Variants in RECQL observed in about 807,000 individuals in gnomAD.
The protein encoded by RECQL is ATP-dependent DNA helicase Q1.
In RECQL, 73 loss-of-function variants were observed where a neutral mutation model predicts 75.8. The observed-to-expected ratio is 0.96, with a 90% CI of 0.80 to 1.17. RECQL has a LOEUF of 1.17. RECQL is among the 50% of genes most tolerant of loss of function. RECQL has a pLI of 0.00. For missense variants in RECQL, 699 were observed against 772.1 expected (o/e 0.91, Z 1.12); for synonymous variants, 248 against 254.4 (o/e 0.97, Z 0.24).
chr12:21,471,605 A>AT lies in RECQL; in HGVS notation c.1489dup (p.Ile497AsnfsTer12), dbSNP rs768421666. 31 of 1,612,826 alleles carry AT rather than the reference A, an allele frequency of 1.9e-5. No individual in the cohort carries two copies. In the African/African-American group the frequency reaches 3.9e-4, roughly 20 times the overall value. ...TTCCTCTGCCTGCTTCAGGATCTTGATTAGATCTCTGCAGTACTCTGTTAT... is the reference window on the plus strand; with the variant it reads ...TTCCTCTGCCTGCTTCAGGATCTTGATTTAGATCTCTGCAGTACTCTGTTAT... On this transcript the variant is annotated frameshift_variant, in exon 13 of 15. Transcript: ENST00000444129. LOFTEE classifies it high-confidence loss of function.
At chr12:21,478,005 T>G in intron 6 of RECQL, 36 bp from the exon 7 acceptor site, 1 of 1,563,280 alleles carries the variant, frequency 6.4e-7, no homozygotes, top group Non-Finnish European at 8.7e-7. Context: ...TTTTCTATCC[T>G]TTAAGAGTTA....
At chr12:21,475,092 T>G in intron 10 of RECQL, 113 bp from the exon 11 acceptor site, 1 of 1,058,788 alleles carries the variant, frequency 9.4e-7, no homozygotes, top group Non-Finnish European at 1.3e-6. Context: ...CTAGAAATTT[T>G]AGAGATGTGG....
intron 2 of RECQL, among the ~76,000 whole-genome samples, 196 bp downstream of exon 2, chr12:21,499,359 T>C (rs1251653603): frequency 6.6e-6 from 1 of 152,230 alleles, no homozygotes; most frequent in African/African-American, 2.4e-5. Flanking sequence ...CACAACAGTC[T>C]AAATGCATTT....
chr12:21,491,463 T>C (rs959709441), intron 3 of RECQL, 56 bp downstream of exon 3: 52 of 1,497,522 alleles, frequency 3.5e-5, no homozygotes, highest in Non-Finnish European at 4.4e-5. Flanking sequence ...TTCATTCTAG[T>C]TTTTTAAAAT....
intron 11 of RECQL, 112 bp downstream of exon 11, chr12:21,474,729 G>T: frequency 1.0e-6 from 1 of 990,270 alleles, no homozygotes; most frequent in East Asian, 2.4e-5. Flanking sequence ...CTGCTTTTAT[G>T]GATCTGCACT....
At chr12:21,478,100 G>A (rs1943121220) in intron 6 of RECQL, 131 bp from the exon 7 acceptor site, 2 of 823,760 alleles carry the variant, frequency 2.4e-6, no homozygotes, top group South Asian at 2.2e-5. Flanking sequence ...CAGTAAATTT[G>A]CAGTTCTGTG....
At position 21,473,969 on chromosome 12, in the gene RECQL, T is replaced by C. The variant is rs138275835; in HGVS notation, c.1356-327A>G. Among the ~76,000 whole-genome samples, 501 of 152,206 alleles carry C rather than the reference T, an allele frequency of 3.3e-3. 3 individuals carry two copies. The highest frequency in any genetic ancestry group is 0.011 in the African/African-American group (468 of 41,552). Reference sequence around the variant, plus strand: ...TTTCCTTTTGCCATGTGAGGTAACATACAGGTTAGGAATTAGGACGTGAAC... The same window carrying C: ...TTTCCTTTTGCCATGTGAGGTAACACACAGGTTAGGAATTAGGACGTGAAC... On this transcript the variant is annotated intron_variant, in intron 11 of 14. Transcript: ENST00000444129.
intron 6 of RECQL, among the ~76,000 whole-genome samples, chr12:21,482,862 G>C (rs75943486): frequency 0.033 from 5,095 of 152,268 alleles, 128 homozygotes; most frequent in Middle Eastern, 0.058. Context: ...GTAGGATTAG[G>C]TGGTGGGGTG....
At chr12:21,482,646 G>C (rs769005341) in intron 6 of RECQL, among the ~76,000 whole-genome samples, 11 of 152,184 alleles carry the variant, frequency 7.2e-5, no homozygotes, top group Admixed American at 2.0e-4. Flanking sequence ...AGGGGCAACA[G>C]CACAGTGTCT....
intron 6 of RECQL, among the ~76,000 whole-genome samples, chr12:21,478,628 A>G (rs945228708): frequency 4.6e-5 from 7 of 152,338 alleles, no homozygotes; most frequent in Admixed American, 4.6e-4. Flanking sequence ...GTATGTTCAG[A>G]TAACAGCAAG....
chr12:21,486,795 CGAGTA>C (rs1433914762), intron 4 of RECQL, among the ~76,000 whole-genome samples: 11 of 151,100 alleles, frequency 7.3e-5, no homozygotes, highest in Non-Finnish European at 1.3e-4. Context: ...CTCAGCCTCC[CGAGTA>C]GCTGGGACTA....
At chr12:21,473,511 C>T (rs892257635) in intron 12 of RECQL, 40 bp downstream of exon 12, 2 of 1,444,922 alleles carry the variant, frequency 1.4e-6, no homozygotes, top group East Asian at 2.3e-5. Flanking sequence ...GGCATTATGA[C>T]TGTATTAGCC....
chr12:21,482,736 T>A (rs117955345), intron 6 of RECQL, among the ~76,000 whole-genome samples: 4,058 of 152,202 alleles, frequency 0.027, 78 homozygotes, highest in Non-Finnish European at 0.042. Context: ...ATCCAGCAAA[T>A]CCTAATGTGT....
In RECQL at chr12:21,468,954, C is replaced by G. The variant is rs1041774584; in HGVS notation, c.*1240G>C. 6 of 505,680 alleles carry G rather than the reference C, an allele frequency of 1.2e-5. No homozygotes were observed. Among genetic ancestry groups the G allele is most frequent in the African/African-American group, 1.2e-4 (6 of 51,302 alleles). The allele number at this position is 505,680 out of a possible 1,614,324, so 31.3% of individuals were successfully genotyped here. On this transcript the variant is annotated 3_prime_UTR_variant, in exon 15 of 15. Transcript: ENST00000444129. ...AAGTTTATTTATAGATATATCTTTC[C>G]AATACAACACTGACCGCTTAGATAA...
intron 4 of RECQL, 78 bp from the exon 5 acceptor site, chr12:21,486,663 T>A: frequency 1.2e-6 from 1 of 832,094 alleles, no homozygotes; most frequent in South Asian, 1.9e-5. Context: ...TCACGTTTTT[T>A]TTTTTTTTTT....
rs1591976393 is a variant in RECQL at position 21,477,907 on chromosome 12, C to T, written c.763G>A (p.Ala255Thr). The change falls in exon 7 of 15, where the codon GCA becomes ACA. Residue 255 changes from alanine to threonine, a missense_variant. By Grantham distance (58) the Ala-to-Thr change is moderately conservative. Coordinates refer to ENST00000444129, the MANE Select transcript of RECQL (RefSeq NM_002907.4). ...FPNASLIGLT[A>T]TATNHVLTDA... ...GTCAAAACGTGATTTGTTGCAGTTG[C>T]AGTCAGCCCAATTAGTGATGCGTTA... 6.2e-7 allele frequency: 1 copy of T among 1,613,712 alleles called. No individual in the cohort carries two copies. Among genetic ancestry groups the T allele is most frequent in the African/African-American group, 1.3e-5 (1 of 74,910 alleles).
intron 1 of RECQL, 111 bp from the exon 2 acceptor site, chr12:21,499,726 A>C: frequency 3.5e-6 from 2 of 574,468 alleles, no homozygotes; most frequent in Non-Finnish European, 6.1e-6. Flanking sequence ...TAGAAAGTAA[A>C]TTATATATTG....
chr12:21,499,582 C>G lies in RECQL; in HGVS notation c.-12G>C. On this transcript the variant is annotated 5_prime_UTR_variant, in exon 2 of 15. Transcript: ENST00000444129. ...GAAACGGACGCCATTCTTTTTCTTT[C>G]CAAATTTGTTTCTAAAATAATCCAA... The G allele has an allele frequency of 6.3e-7, 1 of 1,588,476 alleles. No homozygotes were observed. The highest frequency in any genetic ancestry group is 1.2e-5 in the South Asian group (1 of 86,150).
intron 4 of RECQL, 115 bp from the exon 5 acceptor site, chr12:21,486,700 T>C (rs955302862): frequency 2.4e-6 from 2 of 837,078 alleles, no homozygotes; most frequent in African/African-American, 2.2e-5. Flanking sequence ...AGATGGAGTC[T>C]CACTCTCTTG....
Sources: allele counts gnomAD v4.1 joint callset (sites outside exome capture counted in the v4.1 genomes callset), GRCh38; gene constraint gnomAD v4.1.1; transcripts MANE v1.5; gene names NCBI Gene and HGNC (gene_info 2026-07-23, HGNC 2026-07-21).